CACNA1E: variants seen among roughly 807,000 people sequenced by gnomAD.
The protein encoded by CACNA1E is voltage-dependent R-type calcium channel subunit alpha-1E.
CACNA1E carries 40 observed loss-of-function variants against 259.2 expected under a neutral mutation model. The observed-to-expected ratio is 0.15, with a 90% CI of 0.12 to 0.20. CACNA1E has a LOEUF of 0.20. CACNA1E is among the 10% of genes least tolerant of loss of function. The pLI is 1.00. For synonymous variants in CACNA1E, 1,104 were observed against 1,138.5 expected, an observed-to-expected ratio of 0.97 and a Z score of 0.61; for missense variants, 1,874 against 3,040.1, an observed-to-expected ratio of 0.62 and a Z score of 9.02.
At chr1:181,357,697 A>G (rs898755837) in intron 1 of CACNA1E, among the ~76,000 whole-genome samples, 7 of 152,216 alleles carry the variant, frequency 4.6e-5, no homozygotes, top group African/African-American at 1.7e-4. Context: ...GACAAACTAA[A>G]GGGTATTTGG....
chr1:181,722,836 C>A (rs150739856), intron 16 of CACNA1E, among the ~76,000 whole-genome samples: 3 of 152,096 alleles, frequency 2.0e-5, no homozygotes, highest in African/African-American at 7.2e-5. Context: ...ACCCTGAAAA[C>A]ATCTAGAGGT....
rs371340530 is a variant in CACNA1E at position 181,778,385 on chromosome 1, T to A, written c.5267+2157T>A. 7.9e-5 allele frequency among the ~76,000 whole-genome samples: 12 copies of A among 152,212 alleles called. No homozygotes were observed. The South Asian group carries it at 2.3e-3, about 29-fold the overall frequency. ...ACTGATGAGCTGCTATCTGGAAGAA[T>A]AGGAGGAATCAACCCTCAAATTTCA... On this transcript the variant is annotated intron_variant, in intron 38 of 47. Coordinates refer to ENST00000367573, the MANE Select transcript of CACNA1E (RefSeq NM_001205293.3).
At chr1:181,790,637 G>T in intron 44 of CACNA1E, 81 bp downstream of exon 44, 2 of 922,142 alleles carry the variant, frequency 2.2e-6, no homozygotes, top group Non-Finnish European at 3.6e-6. Context: ...CATAGTCATG[G>T]TCCGTCAGGA....
At chr1:181,381,167 C>CAA (rs58534581) in intron 1 of CACNA1E, among the ~76,000 whole-genome samples, 7 of 115,456 alleles carry the variant, frequency 6.1e-5, no homozygotes, top group African/African-American at 1.5e-4. Context: ...GACTCCATCT[C>CAA]AAAAAAAAAA....
At chr1:181,754,633 T>C (rs1248480118) in intron 27 of CACNA1E, among the ~76,000 whole-genome samples, 1 of 152,224 alleles carries the variant, frequency 6.6e-6, no homozygotes, top group Non-Finnish European at 1.5e-5. Flanking sequence ...ACATTACTTC[T>C]ATTGGTCTTC....
chr1:181,561,856 A>G lies in CACNA1E; in HGVS notation c.513-15910A>G, dbSNP rs75977842. 2.0e-5 allele frequency among the ~76,000 whole-genome samples: 3 copies of G among 152,308 alleles called. No homozygotes were observed. In the East Asian group the frequency reaches 5.8e-4, roughly 29 times the overall value. On this transcript the variant is annotated intron_variant, in intron 3 of 47. Transcript: ENST00000367573. ...TGCATTCCCGTCAGCAATATATGAG[A>G]GTTACAGTTGCTCCACGTTCTAAGC...
In CACNA1E at chr1:181,714,957, G is replaced by A. The variant is rs1011434621; in HGVS notation, c.1172-381G>A. 3.9e-5 allele frequency among the ~76,000 whole-genome samples: 6 copies of A among 152,354 alleles called. 1 individual carries two copies. In the South Asian group the frequency reaches 1.2e-3, roughly 32 times the overall value. ...GCCACTGGCAAGAGAAGCTAAGGAAGCTGTTGCTGCTAGAAGTTCAAGGAG... is the reference window on the plus strand; with the variant it reads ...GCCACTGGCAAGAGAAGCTAAGGAAACTGTTGCTGCTAGAAGTTCAAGGAG... On this transcript the variant is annotated intron_variant, in intron 8 of 47. Transcript: ENST00000367573.
chr1:181,719,709 C>T (rs1201291046), intron 12 of CACNA1E, 42 bp from the exon 13 acceptor site: 1 of 1,131,158 alleles, frequency 8.8e-7, no homozygotes, highest in African/African-American at 1.5e-5. Flanking sequence ...CCCTCTTCTC[C>T]TCTTCCTCCT....
intron 8 of CACNA1E, among the ~76,000 whole-genome samples, chr1:181,713,735 G>A (rs3766997): frequency 0.47 from 71,320 of 152,006 alleles, 18,981 homozygotes; most frequent in East Asian, 0.75. Context: ...TGGCCTATGG[G>A]TTGAGCTCAA....
intron 6 of CACNA1E, among the ~76,000 whole-genome samples, chr1:181,591,512 A>G (rs181011165): frequency 1.2e-4 from 18 of 152,138 alleles, no homozygotes; most frequent in Non-Finnish European, 2.2e-4. Flanking sequence ...CTTCCAGAAA[A>G]CAACCTCATG....
chr1:181,779,820 A>G (rs1032963441), intron 38 of CACNA1E, among the ~76,000 whole-genome samples: 2 of 3,610 alleles, frequency 5.5e-4, no homozygotes, highest in Non-Finnish European at 2.5e-3. Context: ...ATGCACATGT[A>G]CACACACACA....
intron 1 of CACNA1E, among the ~76,000 whole-genome samples, chr1:181,324,238 A>G (rs543059052): frequency 6.6e-6 from 1 of 152,184 alleles, no homozygotes; most frequent in Non-Finnish European, 1.5e-5. Context: ...GAAACCATAC[A>G]TAGATAAGTA....
chr1:181,668,187 A>C (rs983626624), intron 7 of CACNA1E, among the ~76,000 whole-genome samples: 1 of 152,242 alleles, frequency 6.6e-6, no homozygotes, highest in African/African-American at 2.4e-5. Context: ...ACCCTTGCCA[A>C]CACATTCTTC....
At chr1:181,701,295 A>C (rs1339784565) in intron 7 of CACNA1E, among the ~76,000 whole-genome samples, 1 of 152,186 alleles carries the variant, frequency 6.6e-6, no homozygotes, top group Non-Finnish European at 1.5e-5. Flanking sequence ...TTCTCAGAGG[A>C]GTGCGAAATG....
chr1:181,357,089 G>A (rs561066142), intron 1 of CACNA1E, among the ~76,000 whole-genome samples: 129 of 151,936 alleles, frequency 8.5e-4, no homozygotes, highest in Admixed American at 6.7e-3. Context: ...CATTGAATTC[G>A]CTCCCTTCCT....
At chr1:181,545,661 A>G (rs1310706887) in intron 3 of CACNA1E, among the ~76,000 whole-genome samples, 9 of 152,214 alleles carry the variant, frequency 5.9e-5, no homozygotes, top group Non-Finnish European at 1.3e-4. Context: ...AGGAGGCACG[A>G]GGAAACCACA....
chr1:181,621,154 A>T (rs557942530), intron 6 of CACNA1E, among the ~76,000 whole-genome samples: 4 of 152,218 alleles, frequency 2.6e-5, no homozygotes, highest in Non-Finnish European at 5.9e-5. Context: ...CAGTGACAAA[A>T]ATGTGTGGGC....
At chr1:181,664,688 G>A (rs1648036594) in intron 7 of CACNA1E, among the ~76,000 whole-genome samples, 1 of 152,068 alleles carries the variant, frequency 6.6e-6, no homozygotes. Context: ...CAGAGGCAGT[G>A]TCAGGATAGG....
chr1:181,703,715 C>T (rs780013030), intron 7 of CACNA1E, among the ~76,000 whole-genome samples: 15 of 152,270 alleles, frequency 9.9e-5, no homozygotes, highest in Non-Finnish European at 1.8e-4. Flanking sequence ...GGCTTTGGAA[C>T]GTGATGCTCT....
Sources: gnomAD v4.1 joint callset for allele counts (sites outside exome capture counted in the v4.1 genomes callset) on GRCh38, gnomAD v4.1.1 for gene constraint, MANE v1.5 for transcripts, NCBI Gene and HGNC (gene_info 2026-07-23, HGNC 2026-07-21) for gene names.